FAM83B: variants seen among roughly 807,000 people sequenced by gnomAD.
FAM83B encodes the protein protein FAM83B.
A neutral mutation model predicts 38.8 loss-of-function variants in FAM83B; 26 were observed. The observed-to-expected ratio is 0.67, with a 90% CI of 0.49 to 0.93. The LOEUF is 0.93. Ranked by LOEUF, FAM83B falls within the 40% of genes least tolerant of loss-of-function variation. The pLI is 0.00. For missense variants in FAM83B, 1,237 were observed against 1,197.3 expected (o/e 1.03, Z -0.49); for synonymous variants, 419 against 423.1 (o/e 0.99, Z 0.12).
At chr6:54,893,974 G>T (rs559811459) in intron 2 of FAM83B, among the ~76,000 whole-genome samples, 1 of 152,254 alleles carries the variant, frequency 6.6e-6, no homozygotes, top group East Asian at 1.9e-4. Flanking sequence ...AAAGATCACT[G>T]GTTTCTTCTC....
At chr6:54,888,230 A>G (rs868408260) in intron 2 of FAM83B, among the ~76,000 whole-genome samples, 2 of 151,668 alleles carry the variant, frequency 1.3e-5, no homozygotes, top group African/African-American at 4.8e-5. Context: ...CATCTTGGTC[A>G]TTGTCATGAA....
chr6:54,855,152 G>C (rs536466896), intron 1 of FAM83B, among the ~76,000 whole-genome samples: 10 of 152,284 alleles, frequency 6.6e-5, no homozygotes, highest in African/African-American at 2.4e-4. Flanking sequence ...GAAATACAGT[G>C]ATATTATTGA....
intron 4 of FAM83B, among the ~76,000 whole-genome samples, chr6:54,933,538 T>G (rs377478419): frequency 1.4e-5 from 2 of 146,364 alleles, no homozygotes; most frequent in African/African-American, 4.9e-5. Context: ...TTGGGCTGAG[T>G]TTCCCTGCTT....
chr6:54,927,496 A>G lies in FAM83B; in HGVS notation c.610-12A>G, dbSNP rs759982798. On this transcript the variant is annotated splice_polypyrimidine_tract_variant and intron_variant, in intron 3 of 4. Coordinates refer to ENST00000306858, the MANE Select transcript of FAM83B (RefSeq NM_001010872.3). ...GCCATAATGTCTGCTTTTTATTTACATATAATTCTAGAATATTCGAGTGCG... is the reference window on the plus strand; with the variant it reads ...GCCATAATGTCTGCTTTTTATTTACGTATAATTCTAGAATATTCGAGTGCG... 3.8e-6 allele frequency: 6 copies of G among 1,572,672 alleles called. No homozygotes were observed. Among genetic ancestry groups the G allele is most frequent in the Middle Eastern group, 1.7e-4 (1 of 5,862 alleles).
Position 54,942,140 on chromosome 6 carries a change from G to C in FAM83B, c.*133G>C, listed in dbSNP as rs1261344696. ...GATGTATATGTTCACCAGTGTCCTA[G>C]TATAAAGTTATTTTTCTGTGTGATA... On this transcript the variant is annotated 3_prime_UTR_variant, in exon 5 of 5. Coordinates refer to ENST00000306858, the MANE Select transcript of FAM83B (RefSeq NM_001010872.3). The C allele has an allele frequency of 2.3e-6, 2 of 874,760 alleles. No homozygotes were observed. Among genetic ancestry groups the C allele is most frequent in the East Asian group, 2.7e-5 (1 of 36,740 alleles). The allele number at this position is 874,760 out of a possible 1,614,324, so 54.2% of individuals were successfully genotyped here.
intron 2 of FAM83B, among the ~76,000 whole-genome samples, chr6:54,920,741 A>G (rs1773149047): frequency 6.6e-6 from 1 of 151,890 alleles, no homozygotes; most frequent in Non-Finnish European, 1.5e-5. Context: ...TGGTGCATTT[A>G]TTAAATTACA....
chr6:54,898,864 T>C (rs1007388924), intron 2 of FAM83B, among the ~76,000 whole-genome samples: 3 of 152,182 alleles, frequency 2.0e-5, no homozygotes. Context: ...ACTTTTTAAC[T>C]TACTGGTGGT....
At chr6:54,879,145 G>A (rs1161896862) in intron 2 of FAM83B, among the ~76,000 whole-genome samples, 1 of 152,134 alleles carries the variant, frequency 6.6e-6, no homozygotes, top group Non-Finnish European at 1.5e-5. Flanking sequence ...TGGTTGATCC[G>A]TAACCCCAGT....
At position 54,941,878 on chromosome 6, in the gene FAM83B, C is replaced by T. The variant is rs377393082; in HGVS notation, c.2907C>T (p.Gly969=). The change falls in exon 5 of 5, where the codon GGC becomes GGT. Residue 969 remains glycine, a synonymous_variant. Coordinates refer to ENST00000306858, the MANE Select transcript of FAM83B (RefSeq NM_001010872.3). Reference sequence around the variant, plus strand: ...CAGAAATAAAATCTGCGACTATGGGCAACAGTTATGGCAGGTCTAGTCCAT... The same window carrying T: ...CAGAAATAAAATCTGCGACTATGGGTAACAGTTATGGCAGGTCTAGTCCAT... ...NRPEIKSATM[G]NSYGRSSPLL... is the part of the protein sequence containing the mutation. 4 of 1,613,934 alleles carry T rather than the reference C, an allele frequency of 2.5e-6. No homozygotes were observed. The highest frequency in any genetic ancestry group is 3.4e-6 in the Non-Finnish European group (4 of 1,180,004).
chr6:54,860,349 C>T lies in FAM83B; in HGVS notation c.-60-9838C>T, dbSNP rs528256087. 6.6e-4 allele frequency among the ~76,000 whole-genome samples: 100 copies of T among 152,180 alleles called. 2 individuals are homozygous for T. The highest frequency in any genetic ancestry group is 2.4e-3 in the African/African-American group (98 of 41,502). Reference sequence around the variant, plus strand: ...GATGTGCTTAGAGAGAGCATGAAAGCTCCTCACTTCCTCTATACTCCTATA... The same window carrying T: ...GATGTGCTTAGAGAGAGCATGAAAGTTCCTCACTTCCTCTATACTCCTATA... On this transcript the variant is annotated intron_variant, in intron 1 of 4. Transcript: ENST00000306858.
intron 2 of FAM83B, among the ~76,000 whole-genome samples, chr6:54,904,179 C>G (rs1302244392): frequency 1.3e-5 from 2 of 152,138 alleles, no homozygotes; most frequent in African/African-American, 2.4e-5. Context: ...ATGAAAGACT[C>G]TTTCTCTCCT....
intron 1 of FAM83B, among the ~76,000 whole-genome samples, chr6:54,865,098 G>T (rs1379333481): frequency 6.6e-6 from 1 of 152,184 alleles, no homozygotes; most frequent in East Asian, 1.9e-4. Context: ...GTACGCATTT[G>T]TATCAGCTGC....
chr6:54,884,404 C>A (rs188450706), intron 2 of FAM83B, among the ~76,000 whole-genome samples: 1 of 149,504 alleles, frequency 6.7e-6, no homozygotes, highest in East Asian at 2.0e-4. Context: ...ATTGCTTGAA[C>A]CTGGGGGGCG....
chr6:54,851,733 C>T lies in FAM83B; in HGVS notation c.-61+4907C>T, dbSNP rs1275791507. Among the ~76,000 whole-genome samples the T allele has an allele frequency of 4.3e-5, 6 of 139,960 alleles. No individual in the cohort carries two copies. The East Asian group carries it at 6.0e-4, about 14-fold the overall frequency. 91.8% of individuals were successfully genotyped at this position (139,960 alleles called of 152,430 possible). A position where few individuals can be genotyped will look rare whatever the true frequency, so the allele number is the denominator to read the frequency against. On this transcript the variant is annotated intron_variant, in intron 1 of 4. Coordinates refer to ENST00000306858, the MANE Select transcript of FAM83B (RefSeq NM_001010872.3). The stretch of plus-strand genomic sequence containing the variant: ...CGAGATCTGGGCTCACTGCAAGCTC[C>T]GCCTCCCGGGTTCATGCCATTCTCC...
intron 2 of FAM83B, among the ~76,000 whole-genome samples, chr6:54,923,857 TTC>T (rs1238699788): frequency 6.6e-6 from 1 of 151,072 alleles, no homozygotes; most frequent in East Asian, 1.9e-4. Flanking sequence ...TGCTATAATT[TTC>T]TTTTTTCTTT....
chr6:54,887,211 A>G (rs1016418315), intron 2 of FAM83B, among the ~76,000 whole-genome samples: 15 of 152,270 alleles, frequency 9.9e-5, no homozygotes, highest in African/African-American at 3.6e-4. Context: ...TTGTATGTGG[A>G]TTTTATTCAA....
At chr6:54,899,902 G>A (rs988787180) in intron 2 of FAM83B, among the ~76,000 whole-genome samples, 3 of 151,804 alleles carry the variant, frequency 2.0e-5, no homozygotes, top group Non-Finnish European at 4.4e-5. Context: ...GGTAAGTTGC[G>A]CTCCAGCAAT....
rs567986139 is a variant in FAM83B, at chr6:54,882,286, C to T, written c.444+11596C>T. Reference sequence around the variant, plus strand: ...GTAGGAGAAATACATTTGTTAATGACACCAGTAACAGCTAATGTTTAATGC... The same window carrying T: ...GTAGGAGAAATACATTTGTTAATGATACCAGTAACAGCTAATGTTTAATGC... On this transcript the variant is annotated intron_variant, in intron 2 of 4. Transcript: ENST00000306858. Among the ~76,000 whole-genome samples the T allele has an allele frequency of 7.9e-5, 12 of 152,228 alleles. No individual in the cohort carries two copies. In the South Asian group the frequency reaches 2.5e-3, roughly 32 times the overall value.
rs1202897219 is a variant in FAM83B at position 54,940,221 on chromosome 6, A to T, written c.1250A>T (p.Lys417Ile). The T allele has an allele frequency of 6.2e-7, 1 of 1,614,094 alleles. No homozygotes were observed. ...NRTNNPPGNW[K>I]KPSDSLSVAS... is the part of the protein sequence containing the mutation. ...ACCAATAATCCACCTGGTAATTGGA[A>T]AAAGCCATCTGATAGTCTCAGTGTG... Residue 417 changes from lysine to isoleucine, a missense_variant, in exon 5 of 5, where the codon AAA (lysine) becomes ATA (isoleucine). Physicochemically the swap from Lys to Ile is moderately radical, Grantham distance 102 (BLOSUM62 -3). Transcript: ENST00000306858.
Sources: allele counts gnomAD v4.1 joint callset (sites outside exome capture counted in the v4.1 genomes callset), GRCh38; gene constraint gnomAD v4.1.1; transcripts MANE v1.5; gene names NCBI Gene and HGNC (gene_info 2026-07-23, HGNC 2026-07-21).